TRHDE: variants seen among roughly 807,000 people sequenced by gnomAD.
TRHDE encodes the protein thyrotropin releasing hormone degrading enzyme.
TRHDE carries 72 observed loss-of-function variants against 125.7 expected under a neutral mutation model. The ratio of observed to expected loss-of-function variants is 0.57; its 90% CI spans 0.47 to 0.70. The LOEUF is 0.70. Among genes scored for constraint, TRHDE ranks in the 30% least tolerant of loss-of-function variants. The pLI is 0.00. For missense variants in TRHDE, 1,110 were observed against 1,327.1 expected, an observed-to-expected ratio of 0.84 and a Z score of 2.54; for synonymous variants, 509 against 509.1, an observed-to-expected ratio of 1.00 and a Z score of 0.00.
At chr12:72,494,868 T>C (rs1205018918) in intron 5 of TRHDE, among the ~76,000 whole-genome samples, 1 of 152,066 alleles carries the variant, frequency 6.6e-6, no homozygotes, top group African/African-American at 2.4e-5. Flanking sequence ...CTACTATTTA[T>C]TGTCAAAAGA....
intron 2 of TRHDE, among the ~76,000 whole-genome samples, chr12:72,327,504 G>A (rs947953433): frequency 1.3e-5 from 2 of 152,108 alleles, no homozygotes; most frequent in African/African-American, 4.8e-5. Context: ...GGATCATCTA[G>A]CAGAACACAC....
chr12:72,199,303 C>A (rs1340808942), intron 2 of TRHDE, among the ~76,000 whole-genome samples: 1 of 152,166 alleles, frequency 6.6e-6, no homozygotes, highest in South Asian at 2.1e-4. Context: ...TAAATATTCA[C>A]TGGACACAAC....
At chr12:72,589,867 A>G (rs12296145) in intron 12 of TRHDE, among the ~76,000 whole-genome samples, 1 of 151,970 alleles carries the variant, frequency 6.6e-6, no homozygotes, top group East Asian at 1.9e-4. Flanking sequence ...GTTAATTTTT[A>G]AATTATTCTA....
At chr12:72,630,068 G>A (rs1018488847) in intron 15 of TRHDE, among the ~76,000 whole-genome samples, 1 of 150,550 alleles carries the variant, frequency 6.6e-6, no homozygotes, top group Non-Finnish European at 1.5e-5. Flanking sequence ...TATTTGAAAA[G>A]TAGGAAAATT....
intron 18 of TRHDE, among the ~76,000 whole-genome samples, chr12:72,660,923 C>T (rs1414129396): frequency 6.6e-6 from 1 of 152,142 alleles, no homozygotes; most frequent in Non-Finnish European, 1.5e-5. Flanking sequence ...GCACTGTGAG[C>T]ATGCGCTAGG....
intron 12 of TRHDE, chr12:72,582,710 G>T: frequency 1.3e-6 from 1 of 767,278 alleles, no homozygotes. Flanking sequence ...CCTTTTGTGA[G>T]AAATACTTTG....
intron 2 of TRHDE, among the ~76,000 whole-genome samples, chr12:72,130,416 A>G (rs899546940): frequency 1.3e-5 from 2 of 152,214 alleles, no homozygotes; most frequent in Non-Finnish European, 1.5e-5. Flanking sequence ...ATAGTTATAA[A>G]GATAGTATTG....
At chr12:72,214,818 TC>T (rs1246529787) in intron 2 of TRHDE, among the ~76,000 whole-genome samples, 1 of 152,214 alleles carries the variant, frequency 6.6e-6, no homozygotes, top group African/African-American at 2.4e-5. Flanking sequence ...TTTCTCTTCA[TC>T]CTACTCCTGG....
intron 2 of TRHDE, among the ~76,000 whole-genome samples, chr12:72,326,965 C>T (rs1869368367): frequency 6.6e-6 from 1 of 152,166 alleles, no homozygotes; most frequent in African/African-American, 2.4e-5. Context: ...TCTACACCTA[C>T]AAGCTCTACA....
intron 16 of TRHDE, 24 bp downstream of exon 16, chr12:72,652,513 G>A (rs770407116): frequency 2.6e-6 from 4 of 1,548,576 alleles, no homozygotes; most frequent in African/African-American, 2.8e-5. Flanking sequence ...TTTTCTAAAT[G>A]TGTTTCTCTA....
chr12:72,332,243 A>G (rs545491300), intron 2 of TRHDE, among the ~76,000 whole-genome samples: 7 of 152,150 alleles, frequency 4.6e-5, no homozygotes, highest in Admixed American at 2.6e-4. Flanking sequence ...GGTTCACGCC[A>G]TTCTCCAGCC....
chr12:72,436,191 G>C (rs886593373), intron 3 of TRHDE, among the ~76,000 whole-genome samples: 2 of 151,848 alleles, frequency 1.3e-5, no homozygotes, highest in Non-Finnish European at 2.9e-5. Flanking sequence ...TTTTTCTTAA[G>C]GTGAACATGC....
chr12:72,284,133 G>A (rs1879793556), intron 1 of TRHDE, among the ~76,000 whole-genome samples: 1 of 151,982 alleles, frequency 6.6e-6, no homozygotes. Context: ...GGATTTTTGG[G>A]TTAGGGATGC....
intron 7 of TRHDE, among the ~76,000 whole-genome samples, chr12:72,546,339 G>T (rs1448353778): frequency 2.0e-5 from 3 of 151,580 alleles, no homozygotes; most frequent in Non-Finnish European, 4.4e-5. Context: ...TAAGGTTGTT[G>T]TTTTGGTTTT....
chr12:72,237,746 T>A (rs1878362690), intron 2 of TRHDE, among the ~76,000 whole-genome samples: 1 of 152,180 alleles, frequency 6.6e-6, no homozygotes, highest in Admixed American at 6.6e-5. Context: ...TGTGGGTCAA[T>A]TAAACCTTCT....
chr12:72,253,843 G>C (rs1878743945), intron 2 of TRHDE: 1 of 151,692 alleles, frequency 6.6e-6, no homozygotes, highest in African/African-American at 2.4e-5. Context: ...TGTTAATTTG[G>C]GGGCTTATGA....
intron 9 of TRHDE, among the ~76,000 whole-genome samples, chr12:72,566,404 GTTAAC>G (rs1372567405): frequency 2.8e-4 from 42 of 151,622 alleles, no homozygotes; most frequent in Admixed American, 9.2e-4. Context: ...GTTTAACTTA[GTTAAC>G]CTTATAGTTA....
chr12:72,290,166 C>T (rs1395846884), intron 2 of TRHDE, among the ~76,000 whole-genome samples: 1 of 152,038 alleles, frequency 6.6e-6, no homozygotes, highest in African/African-American at 2.4e-5. Flanking sequence ...TCAGTATGGC[C>T]CTGAATGATG....
chr12:72,304,234 A>G (rs1012300018), intron 2 of TRHDE, among the ~76,000 whole-genome samples: 2 of 152,116 alleles, frequency 1.3e-5, no homozygotes, highest in Non-Finnish European at 2.9e-5. Context: ...GGTAATATGA[A>G]TGTCAATAGT....
Sources: allele counts gnomAD v4.1 joint callset (sites outside exome capture counted in the v4.1 genomes callset), GRCh38; gene constraint gnomAD v4.1.1; transcripts MANE v1.5; gene names NCBI Gene and HGNC (gene_info 2026-07-23, HGNC 2026-07-21).